The following LRRN2 variants were observed in gnomAD, a reference collection of about 807,000 sequenced individuals.
The protein encoded by LRRN2 is leucine rich repeat neuronal 2, also known as leucine-rich repeat neuronal protein 2.
A neutral mutation model predicts 35.7 loss-of-function variants in LRRN2; 10 were observed. That is an observed-to-expected ratio of 0.28 (90% CI 0.17 to 0.47). LRRN2 has a LOEUF of 0.47. LRRN2 is among the 20% of genes least tolerant of loss of function. The pLI is 0.99. For missense variants in LRRN2, 731 were observed against 940.3 expected, an observed-to-expected ratio of 0.78 and a Z score of 2.91; for synonymous variants, 391 against 409.6, an observed-to-expected ratio of 0.95 and a Z score of 0.55.
At chr1:204,643,290 T>C (rs968913806) in intron 1 of LRRN2, among the ~76,000 whole-genome samples, 3 of 152,246 alleles carry the variant, frequency 2.0e-5, no homozygotes, top group Non-Finnish European at 4.4e-5. Context: ...TCAGTTGGAC[T>C]GCAGAGTCTG....
chr1:204,638,233 G>A (rs1016152844), intron 1 of LRRN2, among the ~76,000 whole-genome samples: 1 of 151,964 alleles, frequency 6.6e-6, no homozygotes, highest in Non-Finnish European at 1.5e-5. Context: ...GTGATCTGGG[G>A]CCAGGCCTCC....
At chr1:204,632,138 G>A (rs1399121455) in intron 1 of LRRN2, among the ~76,000 whole-genome samples, 2 of 152,192 alleles carry the variant, frequency 1.3e-5, no homozygotes, top group African/African-American at 2.4e-5. Flanking sequence ...GGAGGCTGGG[G>A]TGAGAGAATC....
In LRRN2 at chr1:204,682,191, G is replaced by C. The variant is rs151317039; in HGVS notation, c.-227+3129C>G. Among the ~76,000 whole-genome samples the C allele has an allele frequency of 2.3e-3, 343 of 152,224 alleles. 1 individual carries two copies. Among genetic ancestry groups the C allele is most frequent in the African/African-American group, 7.3e-3 (304 of 41,524 alleles). On this transcript the variant is annotated intron_variant, in intron 1 of 1. Coordinates refer to ENST00000367177, the MANE Select transcript of LRRN2 (RefSeq NM_201630.2). ...GTCAATTCTACCTGAATGCAGGTGGGGTGTGGGATGAGGGACTTCCTGCCT... is the reference window on the plus strand; with the variant it reads ...GTCAATTCTACCTGAATGCAGGTGGCGTGTGGGATGAGGGACTTCCTGCCT...
At chr1:204,656,252 C>G (rs1668353537) in intron 1 of LRRN2, among the ~76,000 whole-genome samples, 1 of 152,194 alleles carries the variant, frequency 6.6e-6, no homozygotes, top group Non-Finnish European at 1.5e-5. Flanking sequence ...CTGGCCTGCC[C>G]TTGGCTGTCT....
intron 1 of LRRN2, among the ~76,000 whole-genome samples, chr1:204,632,049 T>G (rs888229573): frequency 6.6e-6 from 1 of 150,962 alleles, no homozygotes; most frequent in East Asian, 2.0e-4. Context: ...AGTGAAACCC[T>G]GTCTCTACCA....
At chr1:204,652,576 T>C (rs1668260435) in intron 1 of LRRN2, among the ~76,000 whole-genome samples, 1 of 152,046 alleles carries the variant, frequency 6.6e-6, no homozygotes, top group Admixed American at 6.5e-5. Context: ...AGATTAGAGA[T>C]GTCAAAAAGT....
intron 1 of LRRN2, among the ~76,000 whole-genome samples, chr1:204,659,080 C>A (rs776694498): frequency 5.3e-5 from 8 of 152,186 alleles, no homozygotes; most frequent in Non-Finnish European, 1.2e-4. Flanking sequence ...AACCTCCTGG[C>A]AAGCTGAGAG....
intron 1 of LRRN2, among the ~76,000 whole-genome samples, chr1:204,683,977 C>T (rs942063774): frequency 6.6e-6 from 1 of 152,208 alleles, no homozygotes; most frequent in Non-Finnish European, 1.5e-5. Context: ...ACCCTCCATG[C>T]CCAGTGCTCT....
chr1:204,626,503 C>T lies in LRRN2; in HGVS notation c.-226-6285G>A, dbSNP rs545174336. ...CTTCAACTATTCAACTCCTCTTCAG[C>T]CATGAAAACCCATCCCAAATGCCAC... On this transcript the variant is annotated intron_variant, in intron 1 of 1. Coordinates refer to ENST00000367177, the MANE Select transcript of LRRN2 (RefSeq NM_201630.2). Among the ~76,000 whole-genome samples, 34 of 152,236 alleles carry T rather than the reference C, an allele frequency of 2.2e-4. No homozygotes were observed. In the East Asian group the frequency reaches 6.4e-3, roughly 29 times the overall value.
chr1:204,624,762 CCCCCG>C (rs1667206558), intron 1 of LRRN2, among the ~76,000 whole-genome samples: 12 of 135,976 alleles, frequency 8.8e-5, no homozygotes, highest in South Asian at 5.0e-4. Flanking sequence ...CCCACCCCCC[CCCCCG>C]GGAGCTGAGG....
chr1:204,624,364 C>T (rs1667156202), intron 1 of LRRN2, among the ~76,000 whole-genome samples: 1 of 152,170 alleles, frequency 6.6e-6, no homozygotes, highest in Admixed American at 6.5e-5. Context: ...TTTTGCGCAG[C>T]CAGTGACTGC....
Position 204,619,423 on chromosome 1 carries a change from G to A in LRRN2, c.570C>T (p.Asn190=). 6.2e-7 allele frequency: 1 copy of A among 1,614,276 alleles called. No individual in the cohort carries two copies. Among genetic ancestry groups the A allele is most frequent in the Non-Finnish European group, 8.5e-7 (1 of 1,180,054 alleles). ...TGCCGCCAATCATGAGTATCTCCAAGTTGGGCAGCATTTCAAACCAGCGGC... is the reference window on the plus strand; with the variant it reads ...TGCCGCCAATCATGAGTATCTCCAAATTGGGCAGCATTTCAAACCAGCGGC... ...IDSRWFEMLP[N]LEILMIGGNK... Residue 190 remains asparagine (N), a synonymous_variant, in exon 2 of 2, where the codon AAC becomes AAT. Coordinates refer to ENST00000367177, the MANE Select transcript of LRRN2 (RefSeq NM_201630.2).
intron 1 of LRRN2, among the ~76,000 whole-genome samples, chr1:204,640,924 G>C (rs11802889): frequency 0.13 from 19,557 of 151,910 alleles, 1,428 homozygotes; most frequent in South Asian, 0.27. Flanking sequence ...CAGCATTTGA[G>C]GGTTTGGCAT....
intron 1 of LRRN2, among the ~76,000 whole-genome samples, chr1:204,660,637 C>T (rs572765151): frequency 6.6e-6 from 1 of 151,578 alleles, no homozygotes; most frequent in East Asian, 1.9e-4. Flanking sequence ...TGCTCTTCTG[C>T]CTGGCTGTGC....
intron 1 of LRRN2, among the ~76,000 whole-genome samples, chr1:204,654,615 G>A (rs530557165): frequency 6.6e-6 from 1 of 152,312 alleles, no homozygotes; most frequent in East Asian, 1.9e-4. Flanking sequence ...CATAGCATAT[G>A]TGGCTACTTC....
chr1:204,678,309 T>C lies in LRRN2; in HGVS notation c.-227+7011A>G, dbSNP rs79174601. ...TCCTTCCCAACCTCACACCCCACAC[T>C]GCCTAGGACAGTGCTCAGAGCATCC... is the stretch of plus-strand genomic sequence containing the variant. On this transcript the variant is annotated intron_variant, in intron 1 of 1. Coordinates refer to ENST00000367177, the MANE Select transcript of LRRN2 (RefSeq NM_201630.2). 5.1e-3 allele frequency among the ~76,000 whole-genome samples: 776 copies of C among 152,228 alleles called. 10 individuals are homozygous for C. Among genetic ancestry groups the C allele is most frequent in the African/African-American group, 0.018 (745 of 41,528 alleles).
intron 1 of LRRN2, among the ~76,000 whole-genome samples, chr1:204,624,498 T>C (rs2102578587): frequency 6.6e-6 from 1 of 152,296 alleles, no homozygotes; most frequent in African/African-American, 2.4e-5. Context: ...GCAAACCCTG[T>C]CAGGTCTATG....
chr1:204,677,427 T>TATCCCC (rs1170829294), intron 1 of LRRN2, among the ~76,000 whole-genome samples: 2 of 152,164 alleles, frequency 1.3e-5, no homozygotes, highest in Non-Finnish European at 2.9e-5. Context: ...GGTGAGTTCA[T>TATCCCC]ATCCCCAAGA....
At chr1:204,649,451 G>A (rs894811899) in intron 1 of LRRN2, among the ~76,000 whole-genome samples, 5 of 152,156 alleles carry the variant, frequency 3.3e-5, no homozygotes, top group Non-Finnish European at 7.4e-5. Flanking sequence ...AACTGGAAAC[G>A]AGGCTAAGTG....
Sources: allele counts gnomAD v4.1 joint callset (sites outside exome capture counted in the v4.1 genomes callset), GRCh38; gene constraint gnomAD v4.1.1; transcripts MANE v1.5; gene names NCBI Gene and HGNC (gene_info 2026-07-23, HGNC 2026-07-21).